The following KDM4A variants were observed in gnomAD, a reference collection of about 807,000 sequenced individuals.
The protein encoded by KDM4A is lysine demethylase 4A, also known as lysine-specific demethylase 4A.
In KDM4A, 23 loss-of-function variants were observed where a neutral mutation model predicts 127.1. That is an observed-to-expected ratio of 0.18 (90% confidence interval 0.13 to 0.26). The LOEUF is 0.26. Among genes scored for constraint, KDM4A ranks in the 10% least tolerant of loss-of-function variants. The pLI is 1.00. For missense variants in KDM4A, 890 were observed against 1,329.1 expected (o/e 0.67, Z 5.14); for synonymous variants, 443 against 466.5 (o/e 0.95, Z 0.65).
At chr1:43,656,794 C>T (rs537692557) in intron 3 of KDM4A, among the ~76,000 whole-genome samples, 10 of 150,732 alleles carry the variant, frequency 6.6e-5, no homozygotes, top group Non-Finnish European at 1.0e-4. Flanking sequence ...GGTGCAGTCT[C>T]GGCTCACTGC....
At chr1:43,698,278 T>G (rs1277835517) in intron 19 of KDM4A, among the ~76,000 whole-genome samples, 1 of 152,236 alleles carries the variant, frequency 6.6e-6, no homozygotes, top group Non-Finnish European at 1.5e-5. Context: ...CCGTCTAAAT[T>G]ATCCTTGAGG....
intron 11 of KDM4A, among the ~76,000 whole-genome samples, chr1:43,680,589 G>C (rs1390749244): frequency 6.6e-6 from 1 of 152,242 alleles, no homozygotes; most frequent in Non-Finnish European, 1.5e-5. Flanking sequence ...GGCATCAGCA[G>C]GGCTGTGTAC....
rs764871036 is a variant in KDM4A, at chr1:43,667,821, G to C, written c.965G>C (p.Arg322Thr). The C allele has an allele frequency of 1.2e-6, 2 of 1,613,860 alleles. No individual in the cohort carries two copies. The highest frequency in any genetic ancestry group is 2.7e-5 in the African/African-American group (2 of 74,824). The change falls in exon 9 of 22, where the codon AGA (arginine) becomes ACA (threonine). Residue 322 changes from arginine (R) to threonine (T), a missense_variant. Coordinates refer to ENST00000372396, the MANE Select transcript of KDM4A (RefSeq NM_014663.3). ...MVKISMDVFV[R>T]KFQPERYKLW... Reference sequence around the variant, plus strand: ...AAGATCTCCATGGATGTGTTTGTGAGAAAGTTCCAGCCAGAAAGGTACAAA... The same window carrying C: ...AAGATCTCCATGGATGTGTTTGTGACAAAGTTCCAGCCAGAAAGGTACAAA...
chr1:43,652,475 C>T (rs1042353212), intron 1 of KDM4A, among the ~76,000 whole-genome samples: 3 of 151,682 alleles, frequency 2.0e-5, no homozygotes, highest in Non-Finnish European at 2.9e-5. Flanking sequence ...CCTTTTCGAT[C>T]TGTATTTCTA....
chr1:43,691,629 C>T lies in KDM4A; in HGVS notation c.2319+57C>T. The T allele has an allele frequency of 1.4e-6, 2 of 1,452,902 alleles. No individual in the cohort carries two copies. Among genetic ancestry groups the T allele is most frequent in the South Asian group, 2.3e-5 (2 of 87,966 alleles). The allele number at this position is 1,452,902 out of a possible 1,614,324, so 90.0% of individuals were successfully genotyped here. A position where few individuals can be genotyped will look rare whatever the true frequency, so the allele number is the denominator to read the frequency against. ...CATGAGTCTTGGTGCATATTCAGGG[C>T]CAGACGATTTCATGTTGGACTCAGT... On this transcript the variant is annotated intron_variant, in intron 15 of 21. Coordinates refer to ENST00000372396, the MANE Select transcript of KDM4A (RefSeq NM_014663.3).
chr1:43,683,383 C>T (rs1007250844), intron 11 of KDM4A, among the ~76,000 whole-genome samples: 7 of 152,102 alleles, frequency 4.6e-5, no homozygotes, highest in Admixed American at 2.6e-4. Flanking sequence ...CTTAAGGGAC[C>T]GGGCAAGCCT....
chr1:43,701,935 A>G (rs2154049489), intron 19 of KDM4A, among the ~76,000 whole-genome samples: 1 of 152,384 alleles, frequency 6.6e-6, no homozygotes, highest in South Asian at 2.1e-4. Flanking sequence ...AGATTTAACA[A>G]CATTAATAAT....
In KDM4A at chr1:43,698,186, C is replaced by T. The variant is rs530234521; in HGVS notation, c.2841+173C>T. On this transcript the variant is annotated intron_variant, in intron 19 of 21. Transcript: ENST00000372396. Reference sequence around the variant, plus strand: ...CAGTCTTTCTTTGCAAAGAAAACTGCGTGCTGCTAGGGTACCCTATTTTCC... The same window carrying T: ...CAGTCTTTCTTTGCAAAGAAAACTGTGTGCTGCTAGGGTACCCTATTTTCC... Among the ~76,000 whole-genome samples, 15 of 152,322 alleles carry T rather than the reference C, an allele frequency of 9.8e-5. No individual in the cohort carries two copies. In the East Asian group the frequency reaches 2.5e-3, roughly 25 times the overall value.
intron 19 of KDM4A, chr1:43,699,777 G>A (rs1661339306): frequency 6.7e-6 from 1 of 148,828 alleles, no homozygotes; most frequent in African/African-American, 2.5e-5. Context: ...GCTGGAGTAC[G>A]GGAGTACGGT....
At position 43,668,117 on chromosome 1, in the gene KDM4A, GTTTTGT is replaced by G. The variant is rs3838463; in HGVS notation, c.1163+122_1163+127del. 2.1e-3 allele frequency: 3,200 copies of G among 1,509,928 alleles called. 49 individuals carry two copies. The East Asian group carries it at 0.038, about 18-fold the overall frequency. The allele number at this position is 1,509,928 out of a possible 1,614,324, so 93.5% of individuals were successfully genotyped here. A position where few individuals can be genotyped will look rare whatever the true frequency, so the allele number is the denominator to read the frequency against. The stretch of plus-strand genomic sequence containing the variant: ...GGCTGTTTCTTGTTTTTTTTGTTTT[GTTTTGT>G]TTTTGTTTTTGTTTTTGTTTTTGAT... On this transcript the variant is annotated intron_variant, in intron 9 of 21. Coordinates refer to ENST00000372396, the MANE Select transcript of KDM4A (RefSeq NM_014663.3).
intron 19 of KDM4A, among the ~76,000 whole-genome samples, chr1:43,703,209 T>C (rs1419397738): frequency 6.6e-6 from 1 of 151,970 alleles, no homozygotes; most frequent in African/African-American, 2.4e-5. Flanking sequence ...CCCAAAGTGC[T>C]GCGATTACAG....
At chr1:43,690,425 C>T (rs1211400997) in intron 13 of KDM4A, among the ~76,000 whole-genome samples, 1 of 151,982 alleles carries the variant, frequency 6.6e-6, no homozygotes, top group Non-Finnish European at 1.5e-5. Flanking sequence ...TTTTTGGATT[C>T]TTAGTACAGA....
At chr1:43,686,030 T>C (rs1159751262) in intron 12 of KDM4A, among the ~76,000 whole-genome samples, 1 of 152,202 alleles carries the variant, frequency 6.6e-6, no homozygotes, top group Non-Finnish European at 1.5e-5. Context: ...TTTGAATATA[T>C]TAACATATTA....
chr1:43,673,037 A>G (rs1363579557), intron 11 of KDM4A, among the ~76,000 whole-genome samples: 1 of 152,144 alleles, frequency 6.6e-6, no homozygotes, highest in Non-Finnish European at 1.5e-5. Flanking sequence ...TATAAACACG[A>G]ACATGTGTGT....
At position 43,704,703 on chromosome 1, in the gene KDM4A, A is replaced by G; in HGVS notation, c.*333A>G. The G allele has an allele frequency of 3.2e-6, 1 of 316,060 alleles. No individual in the cohort carries two copies. The highest frequency in any genetic ancestry group is 4.1e-5 in the South Asian group (1 of 24,558). 19.6% of individuals were successfully genotyped at this position (316,060 alleles called of 1,614,324 possible). On this transcript the variant is annotated 3_prime_UTR_variant, in exon 22 of 22. Transcript: ENST00000372396. ...TTCCTGGCCTAGGACTTAGCTTCAT[A>G]ACTATCACCTGCACCGACTAGGCTG... is the stretch of plus-strand genomic sequence containing the variant.
rs369335210 is a variant in KDM4A, at chr1:43,684,421, C to T, written c.1855+617C>T. On this transcript the variant is annotated intron_variant, in intron 12 of 21. Transcript: ENST00000372396. ...AGGAGGCTGAAGCAGGAGAATTGCT[C>T]GAACCCAGGAGGCAGAGGTTGCAGT... is the stretch of plus-strand genomic sequence containing the variant. Among the ~76,000 whole-genome samples the T allele has an allele frequency of 5.6e-4, 85 of 152,102 alleles. 1 individual carries two copies. Among genetic ancestry groups the T allele is most frequent in the African/African-American group, 1.9e-3 (78 of 41,500 alleles).
At chr1:43,686,128 C>T (rs1044913226) in intron 12 of KDM4A, among the ~76,000 whole-genome samples, 1 of 151,116 alleles carries the variant, frequency 6.6e-6, no homozygotes, top group Non-Finnish European at 1.5e-5. Context: ...CACAACCTCT[C>T]CCCCTACTTT....
rs769001588 is a variant in KDM4A, at chr1:43,693,987, T to C, written c.2376-7T>C. 86 of 1,613,712 alleles carry C rather than the reference T, an allele frequency of 5.3e-5. No homozygotes were observed. The highest frequency in any genetic ancestry group is 8.3e-5 in the Admixed American group (5 of 60,004). On this transcript the variant is annotated splice_region_variant and splice_polypyrimidine_tract_variant and intron_variant, in intron 16 of 21. Transcript: ENST00000372396. This position sits in a 1 kb window ranked among gnomAD's most constrained non-coding sequence, Gnocchi z 4.2. Reference sequence around the variant, plus strand: ...AGGTGACTGAGGGAGCCTTTGCCTTTTGGCAGGTGGGTCCACGTTTCATGT... The same window carrying C: ...AGGTGACTGAGGGAGCCTTTGCCTTCTGGCAGGTGGGTCCACGTTTCATGT...
At position 43,667,971 on chromosome 1, in the gene KDM4A, A is replaced by G. The variant is rs777776387; in HGVS notation, c.1115A>G (p.Glu372Gly). 1.8e-5 allele frequency: 29 copies of G among 1,614,034 alleles called. No individual in the cohort carries two copies. The highest frequency in any genetic ancestry group is 2.5e-5 in the Non-Finnish European group (29 of 1,180,022). ...RAGNEEECPE[E>G]DMEGVEDGEE... ...GGCAACGAGGAGGAGTGCCCAGAGG[A>G]GGACATGGAAGGGGTGGAGGATGGA... Residue 372 changes from glutamate (E) to glycine (G), a missense_variant, in exon 9 of 22, where the codon GAG becomes GGG. Glu to Gly is a moderately conservative substitution (Grantham distance 98). Transcript: ENST00000372396.
Sources: gnomAD v4.1 joint callset for allele counts (sites outside exome capture counted in the v4.1 genomes callset) on GRCh38, gnomAD v4.1.1 for gene constraint, Gnocchi (gnomAD v3.1) non-coding constraint, MANE v1.5 for transcripts, NCBI Gene and HGNC (gene_info 2026-07-23, HGNC 2026-07-21) for gene names.